Variants in TMEM131L observed in about 807,000 individuals in gnomAD.
The protein encoded by TMEM131L is transmembrane protein 131-like.
In TMEM131L, 54 loss-of-function variants were observed where a neutral mutation model predicts 192.2. The ratio of observed to expected loss-of-function variants is 0.28; its 90% CI spans 0.23 to 0.35. TMEM131L has a LOEUF of 0.35. Among genes scored for constraint, TMEM131L ranks in the 10% least tolerant of loss-of-function variants. The pLI is 1.00. For synonymous variants in TMEM131L, 701 were observed against 704.9 expected, an observed-to-expected ratio of 0.99 and a Z score of 0.09; for missense variants, 1,888 against 1,972.9, an observed-to-expected ratio of 0.96 and a Z score of 0.82.
chr4:153,572,709 A>G (rs1729672465), intron 7 of TMEM131L, among the ~76,000 whole-genome samples: 1 of 152,148 alleles, frequency 6.6e-6, no homozygotes, highest in African/African-American at 2.4e-5. Flanking sequence ...GGTAAAATAT[A>G]CTTAACACAA....
intron 16 of TMEM131L, among the ~76,000 whole-genome samples, chr4:153,590,839 TTGAG>T (rs986958269): frequency 2.2e-4 from 33 of 152,168 alleles, no homozygotes; most frequent in Admixed American, 2.0e-3. Context: ...GTTCTGTTGT[TTGAG>T]TGCTTCCTTG....
intron 7 of TMEM131L, among the ~76,000 whole-genome samples, chr4:153,566,875 A>G (rs1271801561): frequency 6.6e-6 from 1 of 152,232 alleles, no homozygotes; most frequent in Non-Finnish European, 1.5e-5. Context: ...CAGACCAGGA[A>G]TTCCTAACCT....
At position 153,636,657 on chromosome 4, in the gene TMEM131L, A is replaced by AT; in HGVS notation, c.*82dup. ...TGTAAACTGGTTATTGAGATAGATT[A>AT]TGACATTGGTGGATATTTTGGCACT... On this transcript the variant is annotated 3_prime_UTR_variant, in exon 35 of 35. Coordinates refer to ENST00000409959, the MANE Select transcript of TMEM131L (RefSeq NM_001131007.2). 7.3e-7 allele frequency: 1 copy of AT among 1,377,722 alleles called. No homozygotes were observed. The highest frequency in any genetic ancestry group is 9.9e-7 in the Non-Finnish European group (1 of 1,006,874). 85.3% of individuals were successfully genotyped at this position (1,377,722 alleles called of 1,614,324 possible). A position where few individuals can be genotyped will look rare whatever the true frequency, so the allele number is the denominator to read the frequency against.
At chr4:153,589,479 G>A (rs987432765) in intron 16 of TMEM131L, among the ~76,000 whole-genome samples, 1 of 152,170 alleles carries the variant, frequency 6.6e-6, no homozygotes, top group African/African-American at 2.4e-5. Flanking sequence ...GCAGAGGGAT[G>A]ATTTGCATGT....
intron 20 of TMEM131L, among the ~76,000 whole-genome samples, chr4:153,596,848 GCT>G (rs1731475998): frequency 6.6e-6 from 1 of 152,176 alleles, no homozygotes. Flanking sequence ...GAGCCCATTG[GCT>G]CTTTTTATTC....
chr4:153,590,443 G>C (rs957847352), intron 16 of TMEM131L, among the ~76,000 whole-genome samples: 1 of 152,182 alleles, frequency 6.6e-6, no homozygotes, highest in African/African-American at 2.4e-5. Flanking sequence ...TGGTTTAGGT[G>C]ATGAGTGACA....
rs144110969 is a variant in TMEM131L, at chr4:153,591,079, T to A, written c.1697T>A (p.Phe566Tyr). Residue 566 changes from phenylalanine (F) to tyrosine (Y), a missense_variant, in exon 17 of 35, where the codon TTT becomes TAT. Physicochemically the swap from Phe to Tyr is conservative, Grantham distance 22. Coordinates refer to ENST00000409959, the MANE Select transcript of TMEM131L (RefSeq NM_001131007.2). Reference protein sequence around the residue: ...CKRNVLGTTRFAHLKKSKESE... With the variant: ...CKRNVLGTTRYAHLKKSKESE... ...AGGAATGTTTTGGGAACAACTCGAT[T>A]TGCTCACTTGAAGAAATCCAAGGAG... 6 of 1,597,532 alleles carry A rather than the reference T, an allele frequency of 3.8e-6. No individual in the cohort carries two copies. The African/African-American group carries it at 6.7e-5, about 18-fold the overall frequency.
chr4:153,563,193 A>G (rs555744863), intron 7 of TMEM131L, among the ~76,000 whole-genome samples: 1 of 152,338 alleles, frequency 6.6e-6, no homozygotes, highest in South Asian at 2.1e-4. Context: ...CCATCTGTGA[A>G]ATGCTGATCA....
intron 3 of TMEM131L, among the ~76,000 whole-genome samples, chr4:153,501,202 G>GTTTTT (rs34750703): frequency 1.6e-5 from 2 of 127,536 alleles, no homozygotes; most frequent in African/African-American, 6.1e-5. Flanking sequence ...GGTTTTGCAA[G>GTTTTT]TTTTTTTTTT....
chr4:153,559,680 C>T (rs138685237), intron 7 of TMEM131L, among the ~76,000 whole-genome samples: 197 of 152,250 alleles, frequency 1.3e-3, no homozygotes, highest in African/African-American at 4.3e-3. Context: ...AGGACATCCT[C>T]ATCTCTCTGA....
intron 3 of TMEM131L, among the ~76,000 whole-genome samples, chr4:153,539,183 G>A (rs1171125987): frequency 5.3e-5 from 8 of 152,168 alleles, no homozygotes; most frequent in South Asian, 4.1e-4. Flanking sequence ...GGGGGGAGGC[G>A]GAAAAAAACC....
At chr4:153,607,735 G>T (rs1732337330) in intron 25 of TMEM131L, among the ~76,000 whole-genome samples, 1 of 152,196 alleles carries the variant, frequency 6.6e-6, no homozygotes, top group Admixed American at 6.5e-5. Context: ...CCACCCCCGG[G>T]TGTAGCTTAT....
At position 153,467,591 on chromosome 4, in the gene TMEM131L, G is replaced by A. The variant is rs1730855623; in HGVS notation, c.195+310G>A. On this transcript the variant is annotated intron_variant, in intron 2 of 34. Transcript: ENST00000409959. Reference sequence around the variant, plus strand: ...CCTGGGTGCACACTGTTCCCTAAGTGAGCTGGTGCTGTGTGGATGGCAAGT... The same window carrying A: ...CCTGGGTGCACACTGTTCCCTAAGTAAGCTGGTGCTGTGTGGATGGCAAGT... Among the ~76,000 whole-genome samples the A allele has an allele frequency of 3.3e-5, 5 of 152,248 alleles. No individual in the cohort carries two copies. The South Asian group carries it at 1.0e-3, about 32-fold the overall frequency.
chr4:153,573,816 T>G (rs938272180), intron 7 of TMEM131L, among the ~76,000 whole-genome samples: 2 of 151,602 alleles, frequency 1.3e-5, no homozygotes, highest in South Asian at 4.2e-4. Context: ...ACCAAAGGAG[T>G]GTGGTAAAGA....
intron 29 of TMEM131L, among the ~76,000 whole-genome samples, 173 bp downstream of exon 29, chr4:153,623,256 T>C (rs1211525657): frequency 6.6e-6 from 1 of 152,028 alleles, no homozygotes; most frequent in African/African-American, 2.4e-5. Context: ...CCCTCCCCCT[T>C]CCCCTCCATC....
Position 153,479,386 on chromosome 4 carries a change from T to C in TMEM131L, c.239+5498T>C, listed in dbSNP as rs529807973. 3.3e-5 allele frequency among the ~76,000 whole-genome samples: 5 copies of C among 152,356 alleles called. No individual in the cohort carries two copies. The East Asian group carries it at 9.6e-4, about 29-fold the overall frequency. ...TCAAATATCAACAGTAATATGTTCC[T>C]TTGCTGAGAAAGATCGTTTTTGGGA... On this transcript the variant is annotated intron_variant, in intron 3 of 34. Coordinates refer to ENST00000409959, the MANE Select transcript of TMEM131L (RefSeq NM_001131007.2).
intron 27 of TMEM131L, 39 bp downstream of exon 27, chr4:153,620,919 T>C (rs1012837363): frequency 4.6e-6 from 7 of 1,522,936 alleles, no homozygotes; most frequent in Admixed American, 4.8e-5. Context: ...TTGATCTATT[T>C]TTCACTTTAT....
chr4:153,574,138 C>T (rs1446341967), intron 7 of TMEM131L, among the ~76,000 whole-genome samples: 1 of 152,130 alleles, frequency 6.6e-6, no homozygotes, highest in African/African-American at 2.4e-5. Flanking sequence ...GGCCACACTG[C>T]CTTTTCTAAA....
intron 4 of TMEM131L, among the ~76,000 whole-genome samples, chr4:153,551,711 G>T (rs1169021939): frequency 6.6e-6 from 1 of 152,102 alleles, no homozygotes; most frequent in Non-Finnish European, 1.5e-5. Flanking sequence ...ATTCTATAAA[G>T]GGAAGAAGAG....
Sources: gnomAD v4.1 joint callset for allele counts (sites outside exome capture counted in the v4.1 genomes callset) on GRCh38, gnomAD v4.1.1 for gene constraint, MANE v1.5 for transcripts, NCBI Gene and HGNC (gene_info 2026-07-23, HGNC 2026-07-21) for gene names.